Variants in WWOX observed in about 807,000 individuals in gnomAD.
WWOX encodes the protein WW domain containing oxidoreductase, also known as WW domain-containing oxidoreductase.
A neutral mutation model predicts 46.2 loss-of-function variants in WWOX; 69 were observed. The ratio of observed to expected loss-of-function variants is 1.49; its 90% CI spans 1.23 to 1.82. The LOEUF is 1.82. Among genes scored for constraint, WWOX ranks in the 40% most tolerant of loss-of-function variants. WWOX has a pLI of 0.00. For missense variants in WWOX, 919 were observed against 542.6 expected (o/e 1.69, Z -6.89); for synonymous variants, 359 against 202.6 (o/e 1.77, Z -6.56).
chr16:78,356,622 C>G (rs969773962), intron 5 of WWOX, among the ~76,000 whole-genome samples: 1 of 152,154 alleles, frequency 6.6e-6, no homozygotes, highest in Non-Finnish European at 1.5e-5. Context: ...GTGGCTCACG[C>G]CTGTAATCCA....
chr16:78,378,379 T>C (rs1191642595), intron 5 of WWOX, among the ~76,000 whole-genome samples: 1 of 152,176 alleles, frequency 6.6e-6, no homozygotes, highest in Non-Finnish European at 1.5e-5. Context: ...TGGCACATGG[T>C]GCTGTTTCAG....
At chr16:78,649,304 GAC>G (rs2046913444) in intron 8 of WWOX, among the ~76,000 whole-genome samples, 1 of 151,734 alleles carries the variant, frequency 6.6e-6, no homozygotes, top group African/African-American at 2.4e-5. Flanking sequence ...TTTTTTTAGA[GAC>G]AGAGTTTCAC....
At chr16:79,138,252 G>A (rs1002003205) in intron 8 of WWOX, among the ~76,000 whole-genome samples, 14 of 152,192 alleles carry the variant, frequency 9.2e-5, no homozygotes, top group Non-Finnish European at 1.8e-4. Flanking sequence ...TGTTCTAAGA[G>A]CAAGGTGCTG....
chr16:79,005,432 G>C (rs2347081), intron 8 of WWOX, among the ~76,000 whole-genome samples: 2,594 of 152,332 alleles, frequency 0.017, 85 homozygotes, highest in African/African-American at 0.059. Context: ...GGTGGCTTCA[G>C]TCAGCAGAAC....
chr16:78,532,069 T>G (rs571978912), intron 8 of WWOX, among the ~76,000 whole-genome samples: 2,155 of 151,698 alleles, frequency 0.014, 23 homozygotes, highest in African/African-American at 0.027. Context: ...GGGAGTTTTT[T>G]TTTTTTTTCT....
At chr16:78,387,392 T>G (rs748607108) in intron 6 of WWOX, among the ~76,000 whole-genome samples, 2 of 152,204 alleles carry the variant, frequency 1.3e-5, no homozygotes, top group Non-Finnish European at 2.9e-5. Flanking sequence ...CTTCGATGAT[T>G]TGATGTGGTA....
chr16:78,323,215 T>C lies in WWOX; in HGVS notation c.517-63645T>C, dbSNP rs1597482778. On this transcript the variant is annotated intron_variant, in intron 5 of 8. Coordinates refer to ENST00000566780, the MANE Select transcript of WWOX (RefSeq NM_016373.4). ...TCTGCCTCCCGGGTTCACGCCATTCTCCTGCCTCAGCCTCCTGAGTAGGTG... is the reference window on the plus strand; with the variant it reads ...TCTGCCTCCCGGGTTCACGCCATTCCCCTGCCTCAGCCTCCTGAGTAGGTG... 2.0e-5 allele frequency among the ~76,000 whole-genome samples: 3 copies of C among 152,130 alleles called. No homozygotes were observed. In the South Asian group the frequency reaches 6.2e-4, roughly 32 times the overall value.
At chr16:78,715,141 G>A (rs1005429441) in intron 8 of WWOX, among the ~76,000 whole-genome samples, 3 of 152,106 alleles carry the variant, frequency 2.0e-5, no homozygotes, top group Non-Finnish European at 4.4e-5. Context: ...AATGGATTGT[G>A]ATGAATTAGG....
chr16:78,428,945 T>C, intron 7 of WWOX, among the ~76,000 whole-genome samples: 1 of 152,204 alleles, frequency 6.6e-6, no homozygotes, highest in Non-Finnish European at 1.5e-5. Context: ...ATTTTACCTT[T>C]AGAGCAATGC....
In WWOX at chr16:78,757,776, G is replaced by A. The variant is rs56285230; in HGVS notation, c.1056+325024G>A. Reference sequence around the variant, plus strand: ...ATAATCTTTCTGATTGACAGATAGCGACCTTCCTGCTATGTCCTTACATGA... The same window carrying A: ...ATAATCTTTCTGATTGACAGATAGCAACCTTCCTGCTATGTCCTTACATGA... On this transcript the variant is annotated intron_variant, in intron 8 of 8. Transcript: ENST00000566780. Among the ~76,000 whole-genome samples the A allele has an allele frequency of 7.3e-3, 1,107 of 151,194 alleles. 10 individuals are homozygous for A. The highest frequency in any genetic ancestry group is 0.025 in the African/African-American group (1,014 of 41,210).
At chr16:79,057,513 G>T (rs1420099764) in intron 8 of WWOX, among the ~76,000 whole-genome samples, 1 of 152,060 alleles carries the variant, frequency 6.6e-6, no homozygotes. Context: ...ATTTCCTGTG[G>T]CTGAGCTGAG....
chr16:78,366,861 A>G (rs930267275), intron 5 of WWOX, among the ~76,000 whole-genome samples: 1 of 150,966 alleles, frequency 6.6e-6, no homozygotes, highest in African/African-American at 2.4e-5. Context: ...AACTGTTCCT[A>G]TCATACGTGA....
chr16:79,137,422 A>G (rs1464042619), intron 8 of WWOX, among the ~76,000 whole-genome samples: 5 of 152,238 alleles, frequency 3.3e-5, no homozygotes, highest in African/African-American at 2.4e-5. Context: ...AGATGTAAGC[A>G]TTTAGAGACA....
chr16:78,650,434 G>T (rs145910118), intron 8 of WWOX, among the ~76,000 whole-genome samples: 1 of 152,130 alleles, frequency 6.6e-6, no homozygotes, highest in African/African-American at 2.4e-5. Flanking sequence ...TGGTGTCCGT[G>T]TGCCTTGCTT....
At chr16:78,678,016 G>C (rs2047645072) in intron 8 of WWOX, among the ~76,000 whole-genome samples, 1 of 152,142 alleles carries the variant, frequency 6.6e-6, no homozygotes. Flanking sequence ...TGCCGTCCCT[G>C]AATCTCTACC....
At chr16:78,324,454 T>A (rs2080563899) in intron 5 of WWOX, among the ~76,000 whole-genome samples, 1 of 151,978 alleles carries the variant, frequency 6.6e-6, no homozygotes, top group Non-Finnish European at 1.5e-5. Flanking sequence ...CAAAGAGAAA[T>A]GAAAACATGG....
At chr16:78,613,283 C>T (rs117674288) in intron 8 of WWOX, among the ~76,000 whole-genome samples, 1,647 of 152,238 alleles carry the variant, frequency 0.011, 19 homozygotes, top group Non-Finnish European at 0.019. Flanking sequence ...ATCACTCTTT[C>T]AGAAACATGA....
At chr16:79,118,745 T>G (rs1268154355) in intron 8 of WWOX, among the ~76,000 whole-genome samples, 1 of 152,234 alleles carries the variant, frequency 6.6e-6, no homozygotes, top group Non-Finnish European at 1.5e-5. Flanking sequence ...CGTGTTGTGT[T>G]GTGTGGTGTT....
At chr16:78,778,824 C>T (rs879818657) in intron 8 of WWOX, among the ~76,000 whole-genome samples, 1 of 152,158 alleles carries the variant, frequency 6.6e-6, no homozygotes, top group Non-Finnish European at 1.5e-5. Flanking sequence ...CTGTGTTCGC[C>T]AGCTCGTAAA....
Sources: gnomAD v4.1 joint callset for allele counts (sites outside exome capture counted in the v4.1 genomes callset) on GRCh38, gnomAD v4.1.1 for gene constraint, MANE v1.5 for transcripts, NCBI Gene and HGNC (gene_info 2026-07-23, HGNC 2026-07-21) for gene names.